The following LRP1B variants were observed in gnomAD, a reference collection of about 807,000 sequenced individuals.
LRP1B encodes low-density lipoprotein receptor-related protein 1B.
LRP1B carries 217 observed loss-of-function variants against 556.6 expected under a neutral mutation model. That is an observed-to-expected ratio of 0.39 (90% CI 0.35 to 0.44). The LOEUF (loss-of-function observed/expected upper bound fraction) is 0.44. Among genes scored for constraint, LRP1B ranks in the 20% least tolerant of loss-of-function variants. The probability of loss-of-function intolerance (pLI) is 1.00; values close to 1 mark genes in which losing one functional copy is unlikely to be tolerated. For missense variants in LRP1B, 5,053 were observed against 5,620.8 expected (o/e 0.90, Z 3.23); for synonymous variants, 2,047 against 1,865.8 (o/e 1.10, Z -2.50).
intron 41 of LRP1B, among the ~76,000 whole-genome samples, chr2:140,677,015 C>G (rs555927288): frequency 4.5e-4 from 69 of 152,074 alleles, no homozygotes; most frequent in Admixed American, 4.5e-3. Flanking sequence ...AAATAGAAAA[C>G]AGTCATACAA....
chr2:140,855,225 T>C (rs1692578082), intron 27 of LRP1B, among the ~76,000 whole-genome samples: 1 of 151,920 alleles, frequency 6.6e-6, no homozygotes, highest in Non-Finnish European at 1.5e-5. Context: ...TTCAATTCTA[T>C]GGTCACTGGC....
intron 18 of LRP1B, among the ~76,000 whole-genome samples, chr2:140,952,869 A>G (rs1437183750): frequency 6.6e-6 from 1 of 152,206 alleles, no homozygotes; most frequent in Non-Finnish European, 1.5e-5. Flanking sequence ...TAATTCATAC[A>G]TGGTGAAAGT....
chr2:141,306,081 T>A (rs1426689209), intron 3 of LRP1B, among the ~76,000 whole-genome samples: 1 of 152,162 alleles, frequency 6.6e-6, no homozygotes, highest in Non-Finnish European at 1.5e-5. Context: ...GGTTTTGGTA[T>A]CAGGGTAGTG....
At chr2:141,695,498 T>C (rs537067433) in intron 2 of LRP1B, among the ~76,000 whole-genome samples, 12 of 152,106 alleles carry the variant, frequency 7.9e-5, no homozygotes, top group African/African-American at 2.4e-4. Context: ...CAAGTATTGT[T>C]ATCCCCACTT....
chr2:141,176,580 A>C (rs936710990), intron 7 of LRP1B, among the ~76,000 whole-genome samples: 1 of 150,098 alleles, frequency 6.7e-6, no homozygotes, highest in Non-Finnish European at 1.5e-5. Context: ...GAGTCAATTA[A>C]ACCTCTTTTC....
At chr2:140,634,198 T>G (rs1683993773) in intron 41 of LRP1B, among the ~76,000 whole-genome samples, 1 of 152,094 alleles carries the variant, frequency 6.6e-6, no homozygotes, top group Admixed American at 6.5e-5. Context: ...AGGAAAAACA[T>G]GATCATATCT....
chr2:141,228,963 A>G (rs1352680092), intron 6 of LRP1B, among the ~76,000 whole-genome samples: 2 of 152,212 alleles, frequency 1.3e-5, no homozygotes, highest in Non-Finnish European at 2.9e-5. Context: ...AATAATTACA[A>G]TTAACTCTGC....
chr2:141,554,326 A>T (rs1417129716), intron 2 of LRP1B, among the ~76,000 whole-genome samples: 1 of 148,334 alleles, frequency 6.7e-6, no homozygotes, highest in Non-Finnish European at 1.5e-5. Context: ...ATAGACATAG[A>T]TATAGATTAT....
At chr2:141,339,764 CTCTTTTATT>C (rs898254607) in intron 3 of LRP1B, among the ~76,000 whole-genome samples, 3 of 90,728 alleles carry the variant, frequency 3.3e-5, no homozygotes, top group African/African-American at 1.5e-4. Context: ...ATTTATTTTT[CTCTTTTATT>C]TATTTATTTA....
chr2:140,601,757 C>A (rs1682681597), intron 41 of LRP1B, 118 bp from the exon 42 acceptor site: 4 of 556,530 alleles, frequency 7.2e-6, no homozygotes. Flanking sequence ...CATTTCTCCA[C>A]AAAATCTCCA....
chr2:140,969,866 T>G (rs932971893), intron 18 of LRP1B, among the ~76,000 whole-genome samples: 3 of 152,234 alleles, frequency 2.0e-5, no homozygotes, highest in Non-Finnish European at 4.4e-5. Flanking sequence ...TCTTCTGGCT[T>G]GTAGAGTTTC....
At chr2:140,273,706 C>T (rs1185329676) in intron 85 of LRP1B, among the ~76,000 whole-genome samples, 2 of 151,934 alleles carry the variant, frequency 1.3e-5, no homozygotes, top group Non-Finnish European at 2.9e-5. Context: ...TTTATAAGCC[C>T]TTCCTTTAAA....
Position 141,928,258 on chromosome 2 carries a change from T to C in LRP1B, c.83-117857A>G, listed in dbSNP as rs72852503. 2.1e-3 allele frequency among the ~76,000 whole-genome samples: 316 copies of C among 152,306 alleles called. 2 individuals are homozygous for C. Among genetic ancestry groups the C allele is most frequent in the Non-Finnish European group, 3.1e-3 (208 of 68,010 alleles). ...TATGCATTTAGATTTAAGTTGAATA[T>C]ATTCTCCCTATCCTCAGAAATTACA... On this transcript the variant is annotated intron_variant, in intron 1 of 90. Coordinates refer to ENST00000389484, the MANE Select transcript of LRP1B (RefSeq NM_018557.3).
intron 7 of LRP1B, among the ~76,000 whole-genome samples, chr2:141,071,508 A>G (rs1699641948): frequency 6.6e-6 from 1 of 152,180 alleles, no homozygotes; most frequent in African/African-American, 2.4e-5. Context: ...GGCCAGGGCA[A>G]TTAGGCAGGA....
chr2:141,731,958 T>C (rs1693289919), intron 2 of LRP1B, among the ~76,000 whole-genome samples: 1 of 152,146 alleles, frequency 6.6e-6, no homozygotes, highest in Non-Finnish European at 1.5e-5. Flanking sequence ...CTAATTCATA[T>C]GACACCACTC....
At chr2:141,815,809 G>T (rs541142724) in intron 1 of LRP1B, among the ~76,000 whole-genome samples, 54 of 152,200 alleles carry the variant, frequency 3.5e-4, no homozygotes, top group Middle Eastern at 6.8e-3. Context: ...TCACTCTTTG[G>T]GTCCATGCCA....
intron 3 of LRP1B, among the ~76,000 whole-genome samples, chr2:141,359,682 G>C (rs541096705): frequency 6.6e-6 from 1 of 152,266 alleles, no homozygotes; most frequent in Non-Finnish European, 1.5e-5. Context: ...CTTGAACCCG[G>C]GCAGCAGATG....
chr2:141,373,737 C>T (rs1689325378), intron 3 of LRP1B, among the ~76,000 whole-genome samples: 1 of 151,854 alleles, frequency 6.6e-6, no homozygotes, highest in African/African-American at 2.4e-5. Context: ...GAGTATCTTT[C>T]AAGTGTAGCA....
intron 2 of LRP1B, among the ~76,000 whole-genome samples, chr2:141,576,308 C>G (rs1218117794): frequency 7.2e-6 from 1 of 139,344 alleles, no homozygotes; most frequent in Non-Finnish European, 1.5e-5. Flanking sequence ...AGCTATCATA[C>G]TCAGCAAACT....
Sources: allele counts gnomAD v4.1 joint callset (sites outside exome capture counted in the v4.1 genomes callset), GRCh38; gene constraint gnomAD v4.1.1; transcripts MANE v1.5; gene names NCBI Gene and HGNC (gene_info 2026-07-23, HGNC 2026-07-21).